EPS15: variants seen among roughly 807,000 people sequenced by gnomAD.
EPS15 encodes the protein epidermal growth factor receptor substrate 15.
A neutral mutation model predicts 113.8 loss-of-function variants in EPS15; 72 were observed. That is an observed-to-expected ratio of 0.63 (90% CI 0.52 to 0.77). EPS15 has a LOEUF of 0.77. Among genes scored for constraint, EPS15 ranks in the 30% least tolerant of loss-of-function variants. EPS15 has a pLI of 0.00. For synonymous variants in EPS15, 344 were observed against 363.4 expected, an observed-to-expected ratio of 0.95 and a Z score of 0.61; for missense variants, 1,048 against 1,045.8, an observed-to-expected ratio of 1.00 and a Z score of -0.03.
intron 11 of EPS15, among the ~76,000 whole-genome samples, chr1:51,443,093 A>T (rs554365654): frequency 6.6e-6 from 1 of 152,334 alleles, no homozygotes; most frequent in East Asian, 1.9e-4. Flanking sequence ...ATTTCAATGA[A>T]TAATACTGGT....
chr1:51,453,729 T>C (rs1021869911), intron 8 of EPS15, among the ~76,000 whole-genome samples: 4 of 151,834 alleles, frequency 2.6e-5, no homozygotes, highest in Non-Finnish European at 4.4e-5. Flanking sequence ...AATTTTACTG[T>C]TGCAATCAGT....
chr1:51,379,988 CAG>C (rs1292313865), intron 21 of EPS15, among the ~76,000 whole-genome samples: 1 of 150,330 alleles, frequency 6.7e-6, no homozygotes, highest in Non-Finnish European at 1.5e-5. Context: ...CTTGAAGCGA[CAG>C]GGGGAGGATG....
chr1:51,406,459 AC>A (rs1369437505), intron 15 of EPS15, among the ~76,000 whole-genome samples: 4 of 152,054 alleles, frequency 2.6e-5, no homozygotes, highest in African/African-American at 9.7e-5. Context: ...ACAGAATGAG[AC>A]CCTGTCTCAA....
intron 24 of EPS15, among the ~76,000 whole-genome samples, chr1:51,357,417 TATA>T (rs1262023232): frequency 1.5e-5 from 1 of 64,780 alleles, no homozygotes; most frequent in East Asian, 6.2e-4. Context: ...TATATATATA[TATA>T]TATATATTTT....
chr1:51,432,298 T>TTATGTATGTATGTATG (rs71063032), intron 12 of EPS15, among the ~76,000 whole-genome samples: 2 of 145,998 alleles, frequency 1.4e-5, no homozygotes, highest in South Asian at 2.3e-4. Flanking sequence ...GCCACATAGA[T>TTATGTATGTATGTATG]TATGTATGTA....
At chr1:51,441,691 A>G (rs1209753655) in intron 11 of EPS15, among the ~76,000 whole-genome samples, 1 of 152,128 alleles carries the variant, frequency 6.6e-6, no homozygotes, top group East Asian at 1.9e-4. Context: ...TTAATTCTCA[A>G]AACTAATCTG....
At chr1:51,430,975 C>A (rs1651665367) in intron 12 of EPS15, among the ~76,000 whole-genome samples, 1 of 81,696 alleles carries the variant, frequency 1.2e-5, no homozygotes, top group Non-Finnish European at 2.3e-5. Context: ...ACATTACTTA[C>A]ATACACACAC....
intron 1 of EPS15, among the ~76,000 whole-genome samples, chr1:51,516,151 C>A (rs770389843): frequency 6.6e-6 from 1 of 151,960 alleles, no homozygotes; most frequent in Non-Finnish European, 1.5e-5. Flanking sequence ...ACATTTAAGG[C>A]TGTAAAGCAC....
Position 51,471,736 on chromosome 1 carries a change from A to G in EPS15, c.167T>C (p.Ile56Thr), listed in dbSNP as rs746202118. The change falls in exon 4 of 25, where the codon ATT (isoleucine) becomes ACT (threonine). Residue 56 changes from isoleucine (I) to threonine (T), a missense_variant and splice_region_variant. Ile to Thr is a moderately conservative substitution (Grantham distance 89, BLOSUM62 -1). Coordinates refer to ENST00000371733, the MANE Select transcript of EPS15 (RefSeq NM_001981.3). ...GCCATCTGTGTCGGCTAAATCCCAAATCTGAAATTTAGGGGGAAAAAATAT... is the reference window on the plus strand; with the variant it reads ...GCCATCTGTGTCGGCTAAATCCCAAGTCTGAAATTTAGGGGGAAAAAATAT... Reference protein sequence around the residue: ...SGLPDLILGKIWDLADTDGKG... With the variant: ...SGLPDLILGKTWDLADTDGKG... The G allele has an allele frequency of 6.2e-7, 1 of 1,606,956 alleles. No individual in the cohort carries two copies. The highest frequency in any genetic ancestry group is 2.2e-5 in the East Asian group (1 of 44,792).
At chr1:51,454,193 G>A (rs990358591) in intron 8 of EPS15, among the ~76,000 whole-genome samples, 2 of 151,824 alleles carry the variant, frequency 1.3e-5, no homozygotes, top group Non-Finnish European at 2.9e-5. Context: ...ACATCTCTAA[G>A]TGCCAAAAAC....
chr1:51,428,918 G>C (rs1340215147), intron 12 of EPS15, among the ~76,000 whole-genome samples: 2 of 151,638 alleles, frequency 1.3e-5, no homozygotes, highest in Non-Finnish European at 2.9e-5. Context: ...TTTAAAGACA[G>C]AGTGTCTCTG....
At chr1:51,483,618 C>T (rs1449536007) in intron 1 of EPS15, among the ~76,000 whole-genome samples, 3 of 151,810 alleles carry the variant, frequency 2.0e-5, no homozygotes, top group Non-Finnish European at 4.4e-5. Context: ...CCATCTTGGC[C>T]AACATGGTGA....
intron 2 of EPS15, among the ~76,000 whole-genome samples, chr1:51,478,124 G>C (rs906504571): frequency 2.6e-4 from 39 of 152,168 alleles, no homozygotes; most frequent in Non-Finnish European, 5.1e-4. Flanking sequence ...CTTGCTTTAT[G>C]AATCTGGGTG....
At chr1:51,440,309 GTGTGTA>G (rs757145492) in intron 12 of EPS15, 32 bp downstream of exon 12, 8 of 739,878 alleles carry the variant, frequency 1.1e-5, no homozygotes, top group Admixed American at 1.9e-5. Flanking sequence ...GTGTGTGTGT[GTGTGTA>G]TGTGAGTAGG....
At chr1:51,420,651 C>T (rs1313653640) in intron 13 of EPS15, among the ~76,000 whole-genome samples, 1 of 152,106 alleles carries the variant, frequency 6.6e-6, no homozygotes, top group Admixed American at 6.6e-5. Context: ...AACCTCACTG[C>T]CAGAGAGAGA....
At chr1:51,393,838 T>G (rs538572700) in intron 21 of EPS15, among the ~76,000 whole-genome samples, 1 of 152,226 alleles carries the variant, frequency 6.6e-6, no homozygotes, top group Admixed American at 6.5e-5. Context: ...ACGATCTTGA[T>G]GAACACTGCT....
chr1:51,440,384 G>T lies in EPS15; in HGVS notation c.1003C>A (p.Leu335Ile). The T allele has an allele frequency of 6.3e-7, 1 of 1,584,206 alleles. No homozygotes were observed. Residue 335 changes from leucine (L) to isoleucine (I), a missense_variant, in exon 12 of 25, where the codon CTA becomes ATA. Transcript: ENST00000371733. ...ACTATTTCATTGTTAAGAGTATCTA[G>T]TTCCTTAATAGCAGAGAAATCTGCA... ...PVADFSAIKELDTLNNEIVDL... is the reference protein window; with the variant it reads ...PVADFSAIKEIDTLNNEIVDL...
At position 51,406,059 on chromosome 1, in the gene EPS15, T is replaced by G. The variant is rs147060907; in HGVS notation, c.1523A>C (p.Gln508Pro). Residue 508 changes from glutamine (Q) to proline (P), a missense_variant, in exon 16 of 25, where the codon CAG becomes CCG. By Grantham distance (76) the Gln-to-Pro change is moderately conservative. Coordinates refer to ENST00000371733, the MANE Select transcript of EPS15 (RefSeq NM_001981.3). ...GTGTGGGCTACTGCACCAATTTAACTGACTATTATGATTTTCCAAATCTTT... is the reference window on the plus strand; with the variant it reads ...GTGTGGGCTACTGCACCAATTTAACGGACTATTATGATTTTCCAAATCTTT... ...EMKDLENHNS[Q>P]LNWCSSPHSI... is the part of the protein sequence containing the mutation. 24 of 1,614,020 alleles carry G rather than the reference T, an allele frequency of 1.5e-5. No homozygotes were observed. The highest frequency in any genetic ancestry group is 4.2e-6 in the Non-Finnish European group (5 of 1,180,000).
At chr1:51,457,286 C>A (rs936904733) in intron 8 of EPS15, among the ~76,000 whole-genome samples, 3 of 149,798 alleles carry the variant, frequency 2.0e-5, no homozygotes, top group Admixed American at 6.6e-5. Flanking sequence ...GACTCCATCT[C>A]AAAAAAAATA....
Sources: gnomAD v4.1 joint callset for allele counts (sites outside exome capture counted in the v4.1 genomes callset) on GRCh38, gnomAD v4.1.1 for gene constraint, MANE v1.5 for transcripts, NCBI Gene and HGNC (gene_info 2026-07-23, HGNC 2026-07-21) for gene names.